The following SHF variants were observed in gnomAD, a reference collection of about 807,000 sequenced individuals.
SHF encodes SH2 domain-containing adapter protein F.
Under a neutral mutation model 42.4 loss-of-function variants are expected in SHF, and 30 were observed. The observed-to-expected ratio is 0.71, with a 90% CI of 0.53 to 0.96. The LOEUF (loss-of-function observed/expected upper bound fraction) is 0.96. SHF is among the 40% of genes least tolerant of loss of function. The pLI is 0.00. For missense variants in SHF, 598 were observed against 634.0 expected (o/e 0.94, Z 0.61); for synonymous variants, 264 against 269.9 (o/e 0.98, Z 0.21).
At chr15:45,195,849 T>C (rs1306383801) in intron 2 of SHF, among the ~76,000 whole-genome samples, 1 of 152,202 alleles carries the variant, frequency 6.6e-6, no homozygotes, top group Non-Finnish European at 1.5e-5. Flanking sequence ...GTCCTTGCCT[T>C]TTGTCTCCAG....
intron 1 of SHF, chr15:45,200,616 C>A: frequency 2.4e-6 from 1 of 411,878 alleles, no homozygotes; most frequent in South Asian, 1.7e-5. Flanking sequence ...CATCTGAGGG[C>A]ACGCAAGAGC....
chr15:45,193,276 G>A (rs1898760196), intron 2 of SHF, among the ~76,000 whole-genome samples: 1 of 152,164 alleles, frequency 6.6e-6, no homozygotes, highest in Admixed American at 6.5e-5. Context: ...AGCCTCAGGA[G>A]GTCCTGAGGA....
chr15:45,171,051 G>A (rs1897460137), intron 6 of SHF: 1 of 155,288 alleles, frequency 6.4e-6, no homozygotes, highest in Admixed American at 6.3e-5. Flanking sequence ...CTGAATGGGA[G>A]GGTATATCTG....
At position 45,187,959 on chromosome 15, in the gene SHF, G is replaced by C. The variant is rs947670428; in HGVS notation, c.-8C>G. 23 of 1,138,512 alleles carry C rather than the reference G, an allele frequency of 2.0e-5. No homozygotes were observed. The African/African-American group carries it at 3.5e-4, about 17-fold the overall frequency. 70.5% of individuals were successfully genotyped at this position (1,138,512 alleles called of 1,614,324 possible). A position where few individuals can be genotyped will look rare whatever the true frequency, so the allele number is the denominator to read the frequency against. On this transcript the variant is annotated 5_prime_UTR_variant, in exon 1 of 7. Transcript: ENST00000690270. ...AGCTCCGCTCAGTAACATGGGGCCA[G>C]CCAGACTGAGCGAGGGGAGCGCAGC...
upstream of SHF, among the ~76,000 whole-genome samples, chr15:45,190,494 G>A (rs1051277194): frequency 6.6e-6 from 1 of 152,166 alleles, no homozygotes; most frequent in Admixed American, 6.5e-5. Flanking sequence ...ATCATTGTGT[G>A]AGGATTAAGG....
chr15:45,171,990 C>T lies in SHF; in HGVS notation c.1173G>A (p.Gly391=), dbSNP rs373572199. 3 of 1,613,844 alleles carry T rather than the reference C, an allele frequency of 1.9e-6. No homozygotes were observed. The highest frequency in any genetic ancestry group is 2.5e-6 in the Non-Finnish European group (3 of 1,179,888). The change falls in exon 6 of 7, where the codon GGG becomes GGA. Residue 391 remains glycine, a synonymous_variant. Transcript: ENST00000690270. ...TCTCGGCGTCGGTTCGGCTGATGGC[C>T]CCGTGATACCAGCTAAGGATGAGAG... ...LPLENQVWYH[G]AISRTDAENL... is the part of the protein sequence containing the mutation.
At chr15:45,183,160 C>T (rs554935174) in intron 1 of SHF, among the ~76,000 whole-genome samples, 29 of 152,208 alleles carry the variant, frequency 1.9e-4, no homozygotes, top group African/African-American at 6.5e-4. Flanking sequence ...CTGCCAGGCA[C>T]CTGCTGGTAG....
At chr15:45,186,331 G>C (rs982218226) in intron 1 of SHF, among the ~76,000 whole-genome samples, 2 of 152,228 alleles carry the variant, frequency 1.3e-5, no homozygotes, top group Non-Finnish European at 2.9e-5. Flanking sequence ...GCGGAACGGC[G>C]CTCTCTCAGC....
At position 45,175,367 on chromosome 15, in the gene SHF, A is replaced by G. The variant is rs1372777549; in HGVS notation, c.699T>C (p.Tyr233=). ...CGGTGGCCCCATCCTCCTCTGGCTC[A>G]TAGGGTGTGTCATACAGAGGCAAGG... is the stretch of plus-strand genomic sequence containing the variant. ...TQPLPLYDTP[Y]EPEEDGATAE... Residue 233 remains tyrosine (Y), a synonymous_variant, in exon 3 of 7, where the codon TAT becomes TAC. Coordinates refer to ENST00000690270, the MANE Select transcript of SHF (RefSeq NM_001394037.1). 2.5e-6 allele frequency: 4 copies of G among 1,598,084 alleles called. No homozygotes were observed. Among genetic ancestry groups the G allele is most frequent in the South Asian group, 2.3e-5 (2 of 88,200 alleles).
chr15:45,196,474 A>G (rs73425678), intron 2 of SHF, among the ~76,000 whole-genome samples: 4,737 of 152,316 alleles, frequency 0.031, 269 homozygotes, highest in African/African-American at 0.11. Context: ...GGTGGAAGAT[A>G]AGTAGCCTGA....
At chr15:45,183,908 C>T (rs1312574111) in intron 1 of SHF, among the ~76,000 whole-genome samples, 1 of 152,196 alleles carries the variant, frequency 6.6e-6, no homozygotes, top group African/African-American at 2.4e-5. Context: ...CAGCCTGGGC[C>T]ACAGAGGCTT....
At chr15:45,180,318 A>C (rs1898062138) in intron 1 of SHF, among the ~76,000 whole-genome samples, 1 of 152,044 alleles carries the variant, frequency 6.6e-6, no homozygotes, top group Non-Finnish European at 1.5e-5. Context: ...CTACCCGCCC[A>C]AGCTGCTTCC....
At chr15:45,186,327 C>T (rs538134352) in intron 1 of SHF, among the ~76,000 whole-genome samples, 1 of 152,250 alleles carries the variant, frequency 6.6e-6, no homozygotes, top group Admixed American at 6.5e-5. Context: ...TCTGGCGGAA[C>T]GGCGCTCTCT....
upstream of SHF, among the ~76,000 whole-genome samples, chr15:45,192,472 G>A (rs185162710): frequency 1.1e-3 from 169 of 147,474 alleles, no homozygotes; most frequent in Non-Finnish European, 1.7e-3. Context: ...GGTTCACGCC[G>A]TTCTCCCACC....
Position 45,167,783 on chromosome 15 carries a change from A to C in SHF, c.*164T>G. The C allele has an allele frequency of 1.7e-6, 1 of 592,272 alleles. No individual in the cohort carries two copies. Among genetic ancestry groups the C allele is most frequent in the Non-Finnish European group, 2.6e-6 (1 of 383,134 alleles). 36.7% of individuals were successfully genotyped at this position (592,272 alleles called of 1,614,324 possible). On this transcript the variant is annotated 3_prime_UTR_variant, in exon 7 of 7. Coordinates refer to ENST00000690270, the MANE Select transcript of SHF (RefSeq NM_001394037.1). ...AGACAACCCCTTACTCCAAGGCCCC[A>C]GGAGCCCTTTCCCTTTAGAATAAAT...
At position 45,175,991 on chromosome 15, in the gene SHF, G is replaced by C. The variant is rs1196991877; in HGVS notation, c.641-566C>G. Among the ~76,000 whole-genome samples, 3 of 151,906 alleles carry C rather than the reference G, an allele frequency of 2.0e-5. No individual in the cohort carries two copies. In the East Asian group the frequency reaches 5.8e-4, roughly 30 times the overall value. On this transcript the variant is annotated intron_variant, in intron 2 of 6. Transcript: ENST00000690270. Reference sequence around the variant, plus strand: ...CCGCCATCATGCCCGGCTAATTTTTGTATTTTTGTAGAGATGGGGGGTTTC... The same window carrying C: ...CCGCCATCATGCCCGGCTAATTTTTCTATTTTTGTAGAGATGGGGGGTTTC...
At chr15:45,176,884 T>G (rs1897840042) in intron 2 of SHF, among the ~76,000 whole-genome samples, 1 of 152,220 alleles carries the variant, frequency 6.6e-6, no homozygotes, top group South Asian at 2.1e-4. Flanking sequence ...CATTTCTGTC[T>G]ACTACACTGT....
chr15:45,173,467 TTCCTGGGGTCTCCAAA>T (rs1897627703), intron 4 of SHF, 93 bp downstream of exon 4: 1 of 1,407,928 alleles, frequency 7.1e-7, no homozygotes, highest in African/African-American at 1.5e-5. Context: ...AATGAGATTC[TTCCTGGGGTCTCCAAA>T]TCCTGCCCCA....
intron 1 of SHF, among the ~76,000 whole-genome samples, chr15:45,179,316 C>G (rs531020913): frequency 3.3e-5 from 5 of 152,348 alleles, no homozygotes; most frequent in Non-Finnish European, 7.3e-5. Flanking sequence ...CAAAAGGCTG[C>G]CAACCTGCCA....
Sources: allele counts gnomAD v4.1 joint callset (sites outside exome capture counted in the v4.1 genomes callset), GRCh38; gene constraint gnomAD v4.1.1; transcripts MANE v1.5; gene names NCBI Gene and HGNC (gene_info 2026-07-23, HGNC 2026-07-21).